The following MOB3A variants were observed in gnomAD, a reference collection of about 807,000 sequenced individuals.
MOB3A encodes the protein MOB kinase activator 3A.
Under a neutral mutation model 17.8 loss-of-function variants are expected in MOB3A, and 17 were observed. That is an observed-to-expected ratio of 0.95 (90% CI 0.65 to 1.43). The LOEUF is 1.43. Among genes scored for constraint, MOB3A ranks in the 40% most tolerant of loss-of-function variants. The pLI is 0.00. For missense variants in MOB3A, 333 were observed against 310.8 expected (o/e 1.07, Z -0.54); for synonymous variants, 124 against 133.2 (o/e 0.93, Z 0.48).
In MOB3A at chr19:2,076,962, C is replaced by T. The variant is rs151181290; in HGVS notation, c.473G>A (p.Arg158Gln). Residue 158 changes from arginine to glutamine, a missense_variant, in exon 4 of 5, where the codon CGG becomes CAG. Coordinates refer to ENST00000357066, the MANE Select transcript of MOB3A (RefSeq NM_130807.3). ...GACGTGCACGAACACGCGGAACAGCCGCGACAGGATCTTCCGCACCGTCTG... is the reference window on the plus strand; with the variant it reads ...GACGTGCACGAACACGCGGAACAGCTGCGACAGGATCTTCCGCACCGTCTG... The part of the protein sequence containing the change: ...FLQTVRKILS[R>Q]LFRVFVHVYI... 80 of 1,613,772 alleles carry T rather than the reference C, an allele frequency of 5.0e-5. No homozygotes were observed. The Middle Eastern group carries it at 6.6e-4, about 13-fold the overall frequency.
At chr19:2,088,210 C>T (rs1258435020) in intron 1 of MOB3A, among the ~76,000 whole-genome samples, 1 of 152,230 alleles carries the variant, frequency 6.6e-6, no homozygotes, top group African/African-American at 2.4e-5. Context: ...GGATACCCCA[C>T]CCCAGAGACT....
chr19:2,090,883 C>T (rs1352251989), intron 1 of MOB3A, among the ~76,000 whole-genome samples: 8 of 152,144 alleles, frequency 5.3e-5, no homozygotes, highest in African/African-American at 1.4e-4. Context: ...AGGATGGTCT[C>T]GATCTCCTGA....
In MOB3A at chr19:2,077,095, G is replaced by A. The variant is rs147932341; in HGVS notation, c.422-82C>T. On this transcript the variant is annotated intron_variant, in intron 3 of 4. Coordinates refer to ENST00000357066, the MANE Select transcript of MOB3A (RefSeq NM_130807.3). ...CCTTTGCTCCTGGATGTGACAAGGG[G>A]CTTCCAGACAGAAATTGCTGGCAGA... 4.7e-6 allele frequency: 6 copies of A among 1,279,122 alleles called. No individual in the cohort carries two copies. The African/African-American group carries it at 5.9e-5, about 13-fold the overall frequency. 79.2% of individuals were successfully genotyped at this position (1,279,122 alleles called of 1,614,324 possible). A position where few individuals can be genotyped will look rare whatever the true frequency, so the allele number is the denominator to read the frequency against.
At chr19:2,081,312 G>C (rs1234454233) in intron 2 of MOB3A, among the ~76,000 whole-genome samples, 2 of 152,238 alleles carry the variant, frequency 1.3e-5, no homozygotes, top group Non-Finnish European at 2.9e-5. Context: ...TAGAGGCCGG[G>C]CGTGGTGGCT....
intron 2 of MOB3A, among the ~76,000 whole-genome samples, chr19:2,081,447 A>G (rs1023303261): frequency 1.3e-5 from 2 of 151,828 alleles, no homozygotes; most frequent in East Asian, 3.9e-4. Flanking sequence ...AATTAGCCAG[A>G]CATGGTGGCG....
At chr19:2,077,559 T>C (rs1043697696) in intron 3 of MOB3A, among the ~76,000 whole-genome samples, 5 of 151,992 alleles carry the variant, frequency 3.3e-5, no homozygotes, top group African/African-American at 1.2e-4. Context: ...AACGGGGTGA[T>C]GATCCTGGTG....
intron 3 of MOB3A, 21 bp from the exon 4 acceptor site, chr19:2,077,034 C>T (rs2017420151): frequency 3.1e-6 from 5 of 1,603,168 alleles, no homozygotes; most frequent in South Asian, 1.1e-5. Flanking sequence ...AGGGGTGGGA[C>T]GGGTCCACGG....
Position 2,073,317 on chromosome 19 carries a change from A to T in MOB3A, c.*78T>A. The stretch of plus-strand genomic sequence containing the variant: ...GATGCTCAGGCCGGAGAGAAGCGGG[A>T]TGATGGTTCCAGAGCGTCCTCCTCC... On this transcript the variant is annotated 3_prime_UTR_variant, in exon 5 of 5. Transcript: ENST00000357066. The T allele has an allele frequency of 1.9e-6, 3 of 1,562,754 alleles. No homozygotes were observed. The Admixed American group carries it at 5.0e-5, about 26-fold the overall frequency.
intron 2 of MOB3A, among the ~76,000 whole-genome samples, chr19:2,080,124 A>G (rs569924700): frequency 3.4e-4 from 52 of 152,300 alleles, no homozygotes; most frequent in African/African-American, 1.2e-3. Context: ...CCCAGAGTGG[A>G]TGCAGACCCC....
At chr19:2,088,145 C>G (rs926604692) in intron 1 of MOB3A, among the ~76,000 whole-genome samples, 3 of 152,350 alleles carry the variant, frequency 2.0e-5, no homozygotes, top group East Asian at 3.9e-4. Flanking sequence ...GGAGGATGCT[C>G]CTGGCACAGA....
At chr19:2,077,299 G>A (rs960760479) in intron 3 of MOB3A, among the ~76,000 whole-genome samples, 4 of 152,060 alleles carry the variant, frequency 2.6e-5, no homozygotes, top group African/African-American at 9.7e-5. Flanking sequence ...CTACTCAGGA[G>A]GCTGAGGCAG....
rs546748409 is a variant in MOB3A at position 2,082,287 on chromosome 19, G to A, written c.-120+2888C>T. 1.9e-4 allele frequency among the ~76,000 whole-genome samples: 29 copies of A among 152,250 alleles called. No homozygotes were observed. Among genetic ancestry groups the A allele is most frequent in the Non-Finnish European group, 3.5e-4 (24 of 68,046 alleles). ...ACATCGGGGTTGGATCGTTCTCTGG[G>A]GTGGGGCCGTCAGGGGCACTGCAAG... On this transcript the variant is annotated intron_variant, in intron 2 of 4. Coordinates refer to ENST00000357066, the MANE Select transcript of MOB3A (RefSeq NM_130807.3). The surrounding 1 kb of genome is among the most constrained non-coding windows in gnomAD (Gnocchi z 4.1).
intron 2 of MOB3A, 63 bp from the exon 3 acceptor site, chr19:2,078,742 G>T: frequency 1.7e-6 from 1 of 591,762 alleles, no homozygotes; most frequent in Non-Finnish European, 2.9e-6. Flanking sequence ...AACTCGTGCT[G>T]AGGGCACAAG....
intron 4 of MOB3A, among the ~76,000 whole-genome samples, chr19:2,075,061 G>T: frequency 7.0e-6 from 1 of 142,100 alleles, no homozygotes. Context: ...ACAGGTTACT[G>T]GCTGTCACCC....
intron 4 of MOB3A, among the ~76,000 whole-genome samples, chr19:2,076,459 A>G (rs1347224771): frequency 4.6e-5 from 7 of 152,104 alleles, no homozygotes; most frequent in Admixed American, 4.6e-4. Context: ...ACAAACAAAA[A>G]AAGTCGGGGT....
intron 2 of MOB3A, chr19:2,084,139 A>T: frequency 2.0e-6 from 1 of 503,004 alleles, no homozygotes; most frequent in South Asian, 1.4e-5. Context: ...GTTCCAGAAA[A>T]CAAGACAGGG....
chr19:2,087,094 C>G (rs1425920811), intron 1 of MOB3A, among the ~76,000 whole-genome samples: 1 of 152,204 alleles, frequency 6.6e-6, no homozygotes, highest in African/African-American at 2.4e-5. Flanking sequence ...CCTACTGCAT[C>G]TCTGACTTCT....
At chr19:2,078,096 C>G (rs2017435521) in intron 3 of MOB3A, 44 bp downstream of exon 3, 29 of 1,504,414 alleles carry the variant, frequency 1.9e-5, no homozygotes, top group Non-Finnish European at 2.5e-5. Flanking sequence ...CCTGACTTTT[C>G]TGGAAGGCTC....
chr19:2,095,445 C>T (rs1173210015), intron 1 of MOB3A: 1 of 152,226 alleles, frequency 6.6e-6, no homozygotes, highest in Admixed American at 6.5e-5. Flanking sequence ...ACTTTGGGGA[C>T]CCCGAGCAAG....
Sources: allele counts gnomAD v4.1 joint callset (sites outside exome capture counted in the v4.1 genomes callset), GRCh38; gene constraint gnomAD v4.1.1; non-coding constraint Gnocchi (gnomAD v3.1); transcripts MANE v1.5; gene names NCBI Gene and HGNC (gene_info 2026-07-23, HGNC 2026-07-21).